Variants in PRKG1 observed in about 807,000 individuals in gnomAD.
PRKG1 encodes protein kinase cGMP-dependent 1, also known as cGMP-dependent protein kinase 1.
Under a neutral mutation model 88.1 loss-of-function variants are expected in PRKG1, and 35 were observed. The ratio of observed to expected loss-of-function variants is 0.40; its 90% CI spans 0.30 to 0.53. PRKG1 has a LOEUF of 0.53. Among genes scored for constraint, PRKG1 ranks in the 20% least tolerant of loss-of-function variants. PRKG1 has a pLI of 0.59. For synonymous variants in PRKG1, 303 were observed against 292.5 expected, an observed-to-expected ratio of 1.04 and a Z score of -0.37; for missense variants, 540 against 839.8, an observed-to-expected ratio of 0.64 and a Z score of 4.41.
At chr10:51,495,661 C>T (rs1238799483) in intron 3 of PRKG1, among the ~76,000 whole-genome samples, 1 of 152,162 alleles carries the variant, frequency 6.6e-6, no homozygotes, top group Non-Finnish European at 1.5e-5. Flanking sequence ...ATATCAAATG[C>T]TTGTCACTTA....
At chr10:52,155,733 A>C (rs192216977) in intron 8 of PRKG1, among the ~76,000 whole-genome samples, 3 of 10,720 alleles carry the variant, frequency 2.8e-4, no homozygotes, top group Non-Finnish European at 6.1e-4. Flanking sequence ...TTGCCATTGG[A>C]CACACACACA....
At chr10:51,600,072 G>C (rs937301894) in intron 3 of PRKG1, among the ~76,000 whole-genome samples, 6 of 152,112 alleles carry the variant, frequency 3.9e-5, no homozygotes, top group African/African-American at 1.4e-4. Context: ...CATAATGTTA[G>C]ATGAACTCAG....
At chr10:51,798,661 A>G (rs1175935363) in intron 3 of PRKG1, among the ~76,000 whole-genome samples, 1 of 152,092 alleles carries the variant, frequency 6.6e-6, no homozygotes, top group African/African-American at 2.4e-5. Flanking sequence ...GAATGTTTTT[A>G]AGATAATTAT....
chr10:51,997,473 A>G (rs1844478929), intron 5 of PRKG1, among the ~76,000 whole-genome samples: 1 of 150,962 alleles, frequency 6.6e-6, no homozygotes, highest in Admixed American at 6.6e-5. Context: ...CTGTCTCAAA[A>G]AAAAAAAAAA....
intron 1 of PRKG1, among the ~76,000 whole-genome samples, chr10:51,134,565 G>A (rs1845644644): frequency 6.6e-6 from 1 of 152,076 alleles, no homozygotes; most frequent in Non-Finnish European, 1.5e-5. Flanking sequence ...AGCACAAATG[G>A]CCAAATAATA....
At chr10:51,861,424 A>C (rs374167963) in intron 4 of PRKG1, among the ~76,000 whole-genome samples, 24 of 152,176 alleles carry the variant, frequency 1.6e-4, no homozygotes, top group African/African-American at 5.8e-4. Context: ...AAATCATTGA[A>C]GTTGTTACTA....
At chr10:51,404,201 G>A (rs746257752) in intron 2 of PRKG1, among the ~76,000 whole-genome samples, 7 of 152,166 alleles carry the variant, frequency 4.6e-5, no homozygotes, top group South Asian at 2.1e-4. Flanking sequence ...GATAGTTAGC[G>A]TCATTGTGTC....
chr10:52,234,242 C>T (rs1409265842), intron 9 of PRKG1, among the ~76,000 whole-genome samples: 3 of 152,200 alleles, frequency 2.0e-5, no homozygotes, highest in Admixed American at 6.5e-5. Context: ...ACTGGAAACT[C>T]TAAAACGCAG....
intron 1 of PRKG1, among the ~76,000 whole-genome samples, chr10:50,995,969 A>G (rs1842832837): frequency 6.6e-6 from 1 of 152,196 alleles, no homozygotes; most frequent in African/African-American, 2.4e-5. Context: ...TTCACATTTG[A>G]TTTGACCTTA....
At chr10:52,181,466 G>C in intron 9 of PRKG1, among the ~76,000 whole-genome samples, 1 of 115,842 alleles carries the variant, frequency 8.6e-6, no homozygotes, top group Non-Finnish European at 1.7e-5. Context: ...AAGTTTTAGG[G>C]TACATGTGCA....
intron 7 of PRKG1, chr10:52,062,999 C>T (rs939026868): frequency 2.5e-5 from 14 of 552,792 alleles, no homozygotes; most frequent in Non-Finnish European, 4.2e-5. Flanking sequence ...AATCCCTAAA[C>T]CTGTTTGTAC....
chr10:52,088,927 T>C (rs1310804406), intron 7 of PRKG1, among the ~76,000 whole-genome samples: 1 of 152,150 alleles, frequency 6.6e-6, no homozygotes, highest in African/African-American at 2.4e-5. Context: ...AATCCATAGA[T>C]CATATTACAT....
intron 2 of PRKG1, among the ~76,000 whole-genome samples, chr10:51,219,632 C>T (rs1432261237): frequency 1.3e-5 from 2 of 151,808 alleles, no homozygotes; most frequent in Non-Finnish European, 2.9e-5. Context: ...ATCACTTGAA[C>T]CCAGGAGGCA....
chr10:52,166,819 G>GTC (rs1838470414), intron 9 of PRKG1, among the ~76,000 whole-genome samples: 1 of 55,306 alleles, frequency 1.8e-5, no homozygotes, highest in Non-Finnish European at 4.1e-5. Context: ...GTATATATAT[G>GTC]TATATATATG....
chr10:51,408,484 C>T (rs1291292109), intron 2 of PRKG1, among the ~76,000 whole-genome samples: 1 of 152,208 alleles, frequency 6.6e-6, no homozygotes, highest in African/African-American at 2.4e-5. Flanking sequence ...GTAGGACAGG[C>T]AAACCCATGC....
chr10:50,998,350 C>T (rs965757258), intron 1 of PRKG1, among the ~76,000 whole-genome samples: 1 of 152,180 alleles, frequency 6.6e-6, no homozygotes, highest in Admixed American at 6.5e-5. Context: ...AACTATTACT[C>T]TAATCTCTTA....
At chr10:51,312,766 C>A (rs1841222735) in intron 2 of PRKG1, among the ~76,000 whole-genome samples, 1 of 150,990 alleles carries the variant, frequency 6.6e-6, no homozygotes, top group African/African-American at 2.4e-5. Context: ...ATGAATGAAC[C>A]TTCACAAATA....
At chr10:51,268,131 A>AT (rs1170732793) in intron 2 of PRKG1, among the ~76,000 whole-genome samples, 1 of 152,122 alleles carries the variant, frequency 6.6e-6, no homozygotes, top group African/African-American at 2.4e-5. Context: ...TTTTTTAGTG[A>AT]TTTTCAAAAG....
chr10:51,292,046 C>A (rs1312478234), intron 2 of PRKG1, among the ~76,000 whole-genome samples: 1 of 152,002 alleles, frequency 6.6e-6, no homozygotes, highest in African/African-American at 2.4e-5. Context: ...TTAGGGGGAG[C>A]CTTAAAAAGA....
Sources: allele counts gnomAD v4.1 joint callset (sites outside exome capture counted in the v4.1 genomes callset), GRCh38; gene constraint gnomAD v4.1.1; transcripts MANE v1.5; gene names NCBI Gene and HGNC (gene_info 2026-07-23, HGNC 2026-07-21).